NCKAP5: variants seen among roughly 807,000 people sequenced by gnomAD.
NCKAP5 encodes nck-associated protein 5.
Under a neutral mutation model 167.0 loss-of-function variants are expected in NCKAP5, and 92 were observed. The ratio of observed to expected loss-of-function variants is 0.55; its 90% CI spans 0.47 to 0.66. The LOEUF is 0.66. Among genes scored for constraint, NCKAP5 ranks in the 30% least tolerant of loss-of-function variants. The probability of loss-of-function intolerance (pLI) is 0.00; values close to 1 mark genes in which losing one functional copy is unlikely to be tolerated. For synonymous variants in NCKAP5, 891 were observed against 877.4 expected (o/e 1.02, Z -0.27); for missense variants, 2,378 against 2,315.0 (o/e 1.03, Z -0.56).
chr2:132,812,682 A>G (rs1685973915), intron 11 of NCKAP5, among the ~76,000 whole-genome samples: 1 of 152,206 alleles, frequency 6.6e-6, no homozygotes. Context: ...CTGAGAAACG[A>G]TTACTCAGGA....
At chr2:133,537,188 C>T (rs1685829648) in intron 2 of NCKAP5, among the ~76,000 whole-genome samples, 1 of 152,068 alleles carries the variant, frequency 6.6e-6, no homozygotes, top group Admixed American at 6.5e-5. Flanking sequence ...ACAGTACTAT[C>T]TTGATTACTA....
At chr2:132,825,130 CA>C (rs1306140775) in intron 11 of NCKAP5, among the ~76,000 whole-genome samples, 1 of 152,198 alleles carries the variant, frequency 6.6e-6, no homozygotes, top group African/African-American at 2.4e-5. Context: ...TTCTCTACTT[CA>C]AGAGCAGTTA....
chr2:132,979,078 C>G (rs1374233709), intron 7 of NCKAP5, among the ~76,000 whole-genome samples: 1 of 152,180 alleles, frequency 6.6e-6, no homozygotes, highest in East Asian at 1.9e-4. Context: ...CACATCCTCT[C>G]TGCCAAGCTT....
chr2:133,667,428 G>A, the NCKAP5 span, among the ~76,000 whole-genome samples: 1 of 151,874 alleles, frequency 6.6e-6, no homozygotes, highest in African/African-American at 2.4e-5. Flanking sequence ...CAACAAATTG[G>A]TTTGGGTCCT....
At chr2:132,813,235 C>A (rs1341199212) in intron 11 of NCKAP5, among the ~76,000 whole-genome samples, 3 of 152,220 alleles carry the variant, frequency 2.0e-5, no homozygotes, top group African/African-American at 7.2e-5. Context: ...GGTCAAGTCA[C>A]ACAGTGAGCA....
chr2:132,850,055 T>C (rs1241104415), intron 11 of NCKAP5, among the ~76,000 whole-genome samples: 1 of 152,152 alleles, frequency 6.6e-6, no homozygotes, highest in East Asian at 1.9e-4. Context: ...GGGGGGTAGA[T>C]TATATGATCT....
the NCKAP5 span, among the ~76,000 whole-genome samples, chr2:133,644,609 A>T: frequency 6.6e-6 from 1 of 152,170 alleles, no homozygotes; most frequent in African/African-American, 2.4e-5. Flanking sequence ...TATATTTCTC[A>T]TATTACATTT....
In NCKAP5 at chr2:133,207,834, C is replaced by A. The variant is rs77649476; in HGVS notation, c.207+5882G>T. ...ATAATAAGGAAGAAGAGACAAACAT[C>A]CCATGCAGGAGAATTCAAAATAATT... On this transcript the variant is annotated intron_variant, in intron 5 of 19. Coordinates refer to ENST00000409261, the MANE Select transcript of NCKAP5 (RefSeq NM_207363.3). 4.8e-3 allele frequency among the ~76,000 whole-genome samples: 734 copies of A among 152,234 alleles called. 3 individuals carry two copies. Among genetic ancestry groups the A allele is most frequent in the Non-Finnish European group, 7.9e-3 (539 of 68,004 alleles).
At chr2:133,058,902 T>C (rs2079893900) in intron 6 of NCKAP5, among the ~76,000 whole-genome samples, 1 of 152,220 alleles carries the variant, frequency 6.6e-6, no homozygotes, top group South Asian at 2.1e-4. Context: ...GATGAATTTA[T>C]TGAATTATAC....
At chr2:133,052,538 C>T (rs7607235) in intron 6 of NCKAP5, among the ~76,000 whole-genome samples, 60,210 of 151,676 alleles carry the variant, frequency 0.4, 13,788 homozygotes, top group East Asian at 0.94. Context: ...GCCAAAATGG[C>T]GAAAACTCAT....
intron 5 of NCKAP5, among the ~76,000 whole-genome samples, chr2:133,203,625 G>A (rs916251791): frequency 1.3e-5 from 2 of 152,072 alleles, no homozygotes; most frequent in Non-Finnish European, 2.9e-5. Flanking sequence ...ATGTTTCCTG[G>A]AAGAATGCTA....
At chr2:133,098,162 C>T (rs1270327458) in intron 6 of NCKAP5, among the ~76,000 whole-genome samples, 1 of 152,192 alleles carries the variant, frequency 6.6e-6, no homozygotes, top group Non-Finnish European at 1.5e-5. Flanking sequence ...GAAATACCAG[C>T]ATAAATACCT....
intron 8 of NCKAP5, 95 bp downstream of exon 8, chr2:132,963,625 A>C: frequency 7.7e-7 from 1 of 1,294,206 alleles, no homozygotes; most frequent in East Asian, 2.3e-5. Flanking sequence ...AGAACTCAAA[A>C]GGGAAGATTT....
At chr2:133,157,048 A>C (rs2083601557) in intron 5 of NCKAP5, among the ~76,000 whole-genome samples, 1 of 152,170 alleles carries the variant, frequency 6.6e-6, no homozygotes, top group Non-Finnish European at 1.5e-5. Flanking sequence ...TTTTGTTCAC[A>C]TCTCTCAGAA....
chr2:133,123,955 G>C (rs980855367), intron 6 of NCKAP5, among the ~76,000 whole-genome samples: 1 of 152,132 alleles, frequency 6.6e-6, no homozygotes, highest in African/African-American at 2.4e-5. Context: ...TGAACCCTAG[G>C]ATTCCATAAA....
Position 133,049,448 on chromosome 2 carries a change from G to A in NCKAP5, c.342-55209C>T, listed in dbSNP as rs149428602. ...TAGTCACAGCTACTTAGGAGGCTGA[G>A]GCAGGAGAATGGTGTGAACCTGGAA... On this transcript the variant is annotated intron_variant, in intron 6 of 19. Transcript: ENST00000409261. Among the ~76,000 whole-genome samples, 9 of 151,584 alleles carry A rather than the reference G, an allele frequency of 5.9e-5. No homozygotes were observed. The East Asian group carries it at 1.6e-3, about 26-fold the overall frequency.
intron 19 of NCKAP5, among the ~76,000 whole-genome samples, chr2:132,688,973 G>A (rs1686341622): frequency 9.2e-6 from 1 of 109,112 alleles, no homozygotes; most frequent in Non-Finnish European, 1.7e-5. Context: ...GTGGTGGAAT[G>A]AGACACCAAC....
In NCKAP5 at chr2:133,304,947, C is replaced by T. The variant is rs1680675004; in HGVS notation, c.70-1837G>A. ...CACGTGAAGACTCCAGAAGAAGACT[C>T]TAAGCAAGTGATATTTGAGCTAAGA... is the stretch of plus-strand genomic sequence containing the variant. On this transcript the variant is annotated intron_variant, in intron 3 of 19. Coordinates refer to ENST00000409261, the MANE Select transcript of NCKAP5 (RefSeq NM_207363.3). 2.6e-5 allele frequency among the ~76,000 whole-genome samples: 4 copies of T among 152,114 alleles called. No individual in the cohort carries two copies. In the South Asian group the frequency reaches 8.3e-4, roughly 32 times the overall value.
intron 6 of NCKAP5, 139 bp downstream of exon 6, chr2:133,129,839 A>T: frequency 1.0e-6 from 1 of 970,822 alleles, no homozygotes; most frequent in Non-Finnish European, 1.4e-6. Flanking sequence ...TGCTTCAGTC[A>T]GAACAGAAGG....
Sources: allele counts gnomAD v4.1 joint callset (sites outside exome capture counted in the v4.1 genomes callset), GRCh38; gene constraint gnomAD v4.1.1; transcripts MANE v1.5; gene names NCBI Gene and HGNC (gene_info 2026-07-23, HGNC 2026-07-21).